Variants in CACNA1C observed in about 807,000 individuals in gnomAD.
CACNA1C encodes calcium voltage-gated channel subunit alpha1 C.
Under a neutral mutation model 229.0 loss-of-function variants are expected in CACNA1C, and 30 were observed. The observed-to-expected ratio is 0.13, with a 90% CI of 0.10 to 0.18. The LOEUF (loss-of-function observed/expected upper bound fraction) is 0.18, where lower values mean the gene tolerates loss of function less well. Among genes scored for constraint, CACNA1C ranks in the 10% least tolerant of loss-of-function variants. CACNA1C has a pLI of 1.00. For synonymous variants in CACNA1C, 1,114 were observed against 1,132.5 expected, an observed-to-expected ratio of 0.98 and a Z score of 0.33; for missense variants, 1,658 against 2,845.0, an observed-to-expected ratio of 0.58 and a Z score of 9.49.
At chr12:2,114,888 T>A (rs2154136233) in intron 1 of CACNA1C, among the ~76,000 whole-genome samples, 1 of 152,354 alleles carries the variant, frequency 6.6e-6, no homozygotes. Flanking sequence ...AAAATATGTA[T>A]TTTAATTTCT....
intron 3 of CACNA1C, among the ~76,000 whole-genome samples, chr12:2,256,208 C>G (rs1412330343): frequency 1.3e-5 from 2 of 152,106 alleles, no homozygotes; most frequent in Non-Finnish European, 2.9e-5. Context: ...GGAGGCTAAG[C>G]CCAGGAATCT....
At chr12:2,176,362 GC>G (rs1300599844) in intron 3 of CACNA1C, among the ~76,000 whole-genome samples, 3 of 152,126 alleles carry the variant, frequency 2.0e-5, no homozygotes, top group Non-Finnish European at 4.4e-5. Context: ...CATTTTCAGG[GC>G]CTTGGTTTTC....
In CACNA1C at chr12:2,677,760, G is replaced by C. The variant is rs778011390; in HGVS notation, c.4984G>C (p.Gly1662Arg). 1.9e-6 allele frequency: 3 copies of C among 1,613,664 alleles called. No individual in the cohort carries two copies. Among genetic ancestry groups the C allele is most frequent in the Admixed American group, 3.3e-5 (2 of 59,980 alleles). The part of the protein sequence containing the change: ...QAGLRTLHDI[G>R]PEIRRAISGD... ...TGGCTTGCGCACACTGCATGACATC[G>C]GGCCTGAGATCCGACGGGCCATCTC... The change falls in exon 41 of 47, where the codon GGG becomes CGG. Residue 1662 changes from glycine to arginine, a missense_variant. Physicochemically the swap from Gly to Arg is moderately radical, Grantham distance 125 (BLOSUM62 -2). Coordinates refer to ENST00000399655, the MANE Select transcript of CACNA1C (RefSeq NM_000719.7). The surrounding 1 kb of genome is among the most constrained non-coding windows in gnomAD (Gnocchi z 7.4).
rs111970179 is a variant in CACNA1C at position 2,067,753 on chromosome 12, A to G, written c.49+14142A>G. On this transcript the variant is annotated intron_variant, in intron 1 of 46. Coordinates refer to ENST00000399655, the MANE Select transcript of CACNA1C (RefSeq NM_000719.7). The surrounding 1 kb of genome is among the most constrained non-coding windows in gnomAD (Gnocchi z 5.3). The stretch of plus-strand genomic sequence containing the variant: ...CACTGTTAACCTCAGTCAGGGCGCA[A>G]CGGTAGAAAGGAGGAGTGATGGGGC... 6.1e-3 allele frequency among the ~76,000 whole-genome samples: 929 copies of G among 152,186 alleles called. 8 individuals are homozygous for G. The highest frequency in any genetic ancestry group is 0.021 in the African/African-American group (879 of 41,498).
intron 9 of CACNA1C, among the ~76,000 whole-genome samples, chr12:2,529,457 A>C (rs1204072536): frequency 2.6e-5 from 4 of 152,216 alleles, no homozygotes; most frequent in African/African-American, 4.8e-5. Flanking sequence ...AGAATCCCAT[A>C]CAGATCCTGG....
chr12:2,164,748 G>A (rs531108264), intron 3 of CACNA1C, among the ~76,000 whole-genome samples: 12 of 152,336 alleles, frequency 7.9e-5, no homozygotes, highest in African/African-American at 2.9e-4. Flanking sequence ...GTGTGGCCTT[G>A]AGCAAGTCAC....
intron 3 of CACNA1C, among the ~76,000 whole-genome samples, chr12:2,241,833 C>T (rs1012539853): frequency 1.9e-4 from 29 of 152,354 alleles, no homozygotes; most frequent in African/African-American, 7.0e-4. Flanking sequence ...CCAGAGAACT[C>T]AGTGTGCCTG....
chr12:2,560,831 T>G (rs1210469988), intron 11 of CACNA1C, among the ~76,000 whole-genome samples: 4 of 144,832 alleles, frequency 2.8e-5, no homozygotes. Context: ...TTCTGTGGTG[T>G]TTGTTGTTGG....
At chr12:2,615,462 A>C (rs981160228) in intron 29 of CACNA1C, among the ~76,000 whole-genome samples, 1 of 152,230 alleles carries the variant, frequency 6.6e-6, no homozygotes, top group Non-Finnish European at 1.5e-5. Context: ...GAAGACATCT[A>C]TCATGTTCCT....
chr12:2,336,021 C>T (rs1470992417), intron 3 of CACNA1C, among the ~76,000 whole-genome samples: 1 of 139,328 alleles, frequency 7.2e-6, no homozygotes, highest in Non-Finnish European at 1.5e-5. Flanking sequence ...TAAAACAACT[C>T]CAAAAAAAAA....
intron 1 of CACNA1C, among the ~76,000 whole-genome samples, chr12:2,000,400 A>C (rs1274212774): frequency 1.3e-5 from 2 of 152,126 alleles, no homozygotes; most frequent in Non-Finnish European, 2.9e-5. Context: ...ATATCAGCAC[A>C]CATAAAACTA....
At chr12:2,621,609 G>A (rs757142111) in intron 29 of CACNA1C, among the ~76,000 whole-genome samples, 9 of 152,174 alleles carry the variant, frequency 5.9e-5, no homozygotes, top group Non-Finnish European at 1.3e-4. Flanking sequence ...CTGGTGTGGT[G>A]AGATGGGGAG....
intron 3 of CACNA1C, among the ~76,000 whole-genome samples, chr12:2,323,910 G>A (rs2096150015): frequency 6.6e-6 from 1 of 152,186 alleles, no homozygotes; most frequent in South Asian, 2.1e-4. Flanking sequence ...CTAGACGGAT[G>A]GGGGCGTACA....
rs112525633 is a variant in CACNA1C, at chr12:2,602,495, C to A, written c.2960+535C>A. On this transcript the variant is annotated intron_variant, in intron 22 of 46. Coordinates refer to ENST00000399655, the MANE Select transcript of CACNA1C (RefSeq NM_000719.7). This position sits in a 1 kb window ranked among gnomAD's most constrained non-coding sequence, Gnocchi z 4.4. ...TGTATATGTGGATGTGTGTTTGTGGCTGTGTGTATGTGTGTGTATGTATGT... is the reference window on the plus strand; with the variant it reads ...TGTATATGTGGATGTGTGTTTGTGGATGTGTGTATGTGTGTGTATGTATGT... Among the ~76,000 whole-genome samples the A allele has an allele frequency of 4.1e-4, 62 of 151,586 alleles. 1 individual carries two copies. The highest frequency in any genetic ancestry group is 1.5e-3 in the African/African-American group (60 of 41,292).
At chr12:2,521,356 A>C (rs376498443) in intron 9 of CACNA1C, among the ~76,000 whole-genome samples, 18 of 152,064 alleles carry the variant, frequency 1.2e-4, no homozygotes, top group African/African-American at 3.6e-4. Context: ...TTTAAAGTGG[A>C]TGTGGATAGA....
chr12:2,025,922 C>T (rs747588263), intron 1 of CACNA1C, among the ~76,000 whole-genome samples: 28 of 150,836 alleles, frequency 1.9e-4, no homozygotes, highest in Admixed American at 5.9e-4. Flanking sequence ...TGTAGCACTT[C>T]GCTAGGGTAA....
intron 3 of CACNA1C, among the ~76,000 whole-genome samples, chr12:2,349,297 A>C (rs1287998466): frequency 1.3e-5 from 2 of 152,186 alleles, no homozygotes; most frequent in African/African-American, 4.8e-5. Flanking sequence ...TGGTGTGGAA[A>C]GTGGCCCCTG....
At chr12:2,144,864 A>G (rs1337637847) in intron 3 of CACNA1C, among the ~76,000 whole-genome samples, 3 of 151,260 alleles carry the variant, frequency 2.0e-5, no homozygotes, top group Admixed American at 6.7e-5. Flanking sequence ...AGGACCTACA[A>G]ATCTTCATGG....
Position 2,024,575 on chromosome 12 carries a change from C to G in CACNA1C, c.139+53374C>G, listed in dbSNP as rs146168593. Among the ~76,000 whole-genome samples the G allele has an allele frequency of 4.3e-3, 657 of 152,300 alleles. 3 individuals carry two copies. Among genetic ancestry groups the G allele is most frequent in the African/African-American group, 0.015 (624 of 41,566 alleles). On this transcript the variant is annotated intron_variant, in intron 1 of 46. Transcript: ENST00000682462. Reference sequence around the variant, plus strand: ...GAAGGGGAGTCAAAGCCAGGTTGCACCCATCTCTTTTCCCTCTCAGCCCAA... The same window carrying G: ...GAAGGGGAGTCAAAGCCAGGTTGCAGCCATCTCTTTTCCCTCTCAGCCCAA...
Sources: gnomAD v4.1 joint callset for allele counts (sites outside exome capture counted in the v4.1 genomes callset) on GRCh38, gnomAD v4.1.1 for gene constraint, Gnocchi (gnomAD v3.1) non-coding constraint, MANE v1.5 for transcripts, NCBI Gene and HGNC (gene_info 2026-07-23, HGNC 2026-07-21) for gene names.